TGFBR3: variants seen among roughly 807,000 people sequenced by gnomAD.
TGFBR3 encodes transforming growth factor beta receptor 3.
TGFBR3 carries 46 observed loss-of-function variants against 87.9 expected under a neutral mutation model. The ratio of observed to expected loss-of-function variants is 0.52; its 90% CI spans 0.41 to 0.67. The LOEUF (loss-of-function observed/expected upper bound fraction) is 0.67, where lower values mean the gene tolerates loss of function less well. Among genes scored for constraint, TGFBR3 ranks in the 30% least tolerant of loss-of-function variants. The pLI is 0.00. For synonymous variants in TGFBR3, 381 were observed against 391.6 expected (o/e 0.97, Z 0.32); for missense variants, 866 against 1,041.9 (o/e 0.83, Z 2.32).
intron 16 of TGFBR3, 47 bp downstream of exon 16, chr1:91,695,625 C>T (rs1671408329): frequency 7.0e-7 from 1 of 1,432,770 alleles, no homozygotes; most frequent in East Asian, 2.3e-5. Flanking sequence ...TATTGTGTGG[C>T]AGGAACACAA....
At chr1:91,806,728 G>A (rs958908956) in intron 2 of TGFBR3, among the ~76,000 whole-genome samples, 2 of 152,288 alleles carry the variant, frequency 1.3e-5, no homozygotes, top group Middle Eastern at 3.4e-3. Context: ...CCAAGACATC[G>A]CAGTGGGGAG....
intron 3 of TGFBR3, among the ~76,000 whole-genome samples, chr1:91,779,177 C>T (rs943057536): frequency 6.6e-6 from 1 of 152,136 alleles, no homozygotes; most frequent in Non-Finnish European, 1.5e-5. Context: ...CGTGACTGGA[C>T]GGAAGTCTTT....
chr1:91,772,240 C>A lies in TGFBR3; in HGVS notation c.247-13490G>T, dbSNP rs1674404773. Among the ~76,000 whole-genome samples the A allele has an allele frequency of 3.9e-5, 6 of 152,050 alleles. No homozygotes were observed. The South Asian group carries it at 1.2e-3, about 32-fold the overall frequency. ...GGCTTAGTAAGTGTCACTTAGTTAA[C>A]CACATTACTGCACTGATTCACTAAA... On this transcript the variant is annotated intron_variant, in intron 3 of 16. Coordinates refer to ENST00000212355, the MANE Select transcript of TGFBR3 (RefSeq NM_003243.5).
chr1:91,721,817 C>G (rs934671688), intron 8 of TGFBR3, 138 bp downstream of exon 8: 3 of 769,880 alleles, frequency 3.9e-6, no homozygotes, highest in African/African-American at 3.5e-5. Flanking sequence ...TAATTTTAAG[C>G]CTTCTGATAA....
intron 2 of TGFBR3, among the ~76,000 whole-genome samples, chr1:91,858,495 C>T (rs1459940636): frequency 6.6e-6 from 1 of 150,610 alleles, no homozygotes; most frequent in East Asian, 2.0e-4. Flanking sequence ...TGTGCCTGTA[C>T]TCCCATCTAC....
intron 15 of TGFBR3, among the ~76,000 whole-genome samples, 189 bp downstream of exon 15, chr1:91,697,900 A>C (rs916064365): frequency 1.3e-5 from 2 of 152,200 alleles, no homozygotes; most frequent in Non-Finnish European, 2.9e-5. Context: ...GGGAAAAAGA[A>C]AGCAGGGATA....
chr1:91,685,785 A>C (rs1044112258), intron 16 of TGFBR3, among the ~76,000 whole-genome samples: 5 of 152,118 alleles, frequency 3.3e-5, no homozygotes, highest in Non-Finnish European at 7.4e-5. Context: ...CTTTATTTCT[A>C]GAAGGGAATC....
intron 2 of TGFBR3, among the ~76,000 whole-genome samples, chr1:91,813,818 C>G (rs530668962): frequency 1.3e-5 from 2 of 152,254 alleles, no homozygotes; most frequent in Middle Eastern, 3.4e-3. Flanking sequence ...TTCCACAGAC[C>G]GAGGAGGAGA....
chr1:91,826,108 G>C (rs1676624015), intron 2 of TGFBR3, among the ~76,000 whole-genome samples: 5 of 152,106 alleles, frequency 3.3e-5, no homozygotes, highest in Non-Finnish European at 7.3e-5. Flanking sequence ...AGCTACAGTG[G>C]CCACAAATAG....
Position 91,734,838 on chromosome 1 carries a change from C to T in TGFBR3, c.506G>A (p.Gly169Glu). Residue 169 changes from glycine (G) to glutamate (E), a missense_variant, in exon 5 of 17, where the codon GGA becomes GAA. Transcript: ENST00000212355. Reference sequence around the variant, plus strand: ...GAGTTCGGTGAATGAAGTAACTGCTCCATACTCTTTTCGGGCCCAATTTAA... The same window carrying T: ...GAGTTCGGTGAATGAAGTAACTGCTTCATACTCTTTTCGGGCCCAATTTAA... ...HLLNWARKEY[G>E]AVTSFTELKI... 6.2e-7 allele frequency: 1 copy of T among 1,614,228 alleles called. No homozygotes were observed. Among genetic ancestry groups the T allele is most frequent in the Non-Finnish European group, 8.5e-7 (1 of 1,180,026 alleles).
intron 7 of TGFBR3, among the ~76,000 whole-genome samples, chr1:91,724,845 C>G (rs1003773015): frequency 2.0e-5 from 3 of 152,154 alleles, no homozygotes; most frequent in African/African-American, 4.8e-5. Flanking sequence ...CACACTCCCC[C>G]ATATTTACAT....
intron 2 of TGFBR3, among the ~76,000 whole-genome samples, chr1:91,824,999 G>C (rs1465992733): frequency 6.6e-6 from 1 of 152,156 alleles, no homozygotes; most frequent in Non-Finnish European, 1.5e-5. Context: ...CTTTGAAAAA[G>C]AGTTTGGCAG....
intron 16 of TGFBR3, among the ~76,000 whole-genome samples, chr1:91,688,415 C>T (rs775513021): frequency 6.6e-6 from 1 of 152,164 alleles, no homozygotes; most frequent in Admixed American, 6.5e-5. Context: ...AGAAACTGGA[C>T]TTGAAGCTCT....
At chr1:91,818,892 C>G (rs901307570) in intron 2 of TGFBR3, among the ~76,000 whole-genome samples, 4 of 152,256 alleles carry the variant, frequency 2.6e-5, no homozygotes, top group African/African-American at 9.6e-5. Context: ...TAGTTTTCTT[C>G]CTCAAATACA....
intron 2 of TGFBR3, among the ~76,000 whole-genome samples, chr1:91,809,016 C>T (rs1021676244): frequency 1.3e-5 from 2 of 152,202 alleles, no homozygotes; most frequent in Non-Finnish European, 2.9e-5. Context: ...GGATAGTACA[C>T]TTCTTTATTA....
intron 2 of TGFBR3, among the ~76,000 whole-genome samples, chr1:91,818,863 G>T (rs1381420325): frequency 6.6e-6 from 1 of 151,968 alleles, no homozygotes; most frequent in East Asian, 1.9e-4. Flanking sequence ...TTGATGGTGG[G>T]GTTTTTTCCA....
intron 2 of TGFBR3, among the ~76,000 whole-genome samples, chr1:91,850,080 CAAAA>C (rs376631972): frequency 1.9e-4 from 10 of 52,162 alleles, no homozygotes; most frequent in East Asian, 4.4e-4. Context: ...GACTCCATCT[CAAAA>C]AAAAAAAAAA....
intron 14 of TGFBR3, 138 bp downstream of exon 14, chr1:91,708,524 GC>G: frequency 1.5e-6 from 2 of 1,333,420 alleles, no homozygotes; most frequent in Non-Finnish European, 2.1e-6. Flanking sequence ...GACTCTTCGG[GC>G]AAAAAATGGT....
intron 1 of TGFBR3, among the ~76,000 whole-genome samples, chr1:91,884,745 G>T (rs148560735): frequency 3.0e-4 from 46 of 152,320 alleles, no homozygotes; most frequent in African/African-American, 1.1e-3. Context: ...CTTAGAAAAC[G>T]TTAGCTGTTA....
Sources: gnomAD v4.1 joint callset for allele counts (sites outside exome capture counted in the v4.1 genomes callset) on GRCh38, gnomAD v4.1.1 for gene constraint, MANE v1.5 for transcripts, NCBI Gene and HGNC (gene_info 2026-07-23, HGNC 2026-07-21) for gene names.